THSD7B: variants seen among roughly 807,000 people sequenced by gnomAD.
THSD7B encodes thrombospondin type-1 domain-containing protein 7B.
THSD7B carries 138 observed loss-of-function variants against 213.6 expected under a neutral mutation model. The observed-to-expected ratio is 0.65, with a 90% CI of 0.56 to 0.74. The LOEUF is 0.74. Ranked by LOEUF, THSD7B falls within the 30% of genes least tolerant of loss-of-function variation. The pLI is 0.00. For synonymous variants in THSD7B, 742 were observed against 687.0 expected (o/e 1.08, Z -1.25); for missense variants, 1,931 against 1,991.5 (o/e 0.97, Z 0.58).
At chr2:136,963,051 C>T (rs1385666167) in intron 2 of THSD7B, among the ~76,000 whole-genome samples, 1 of 152,068 alleles carries the variant, frequency 6.6e-6, no homozygotes, top group Non-Finnish European at 1.5e-5. Context: ...TCAGAGATGG[C>T]TGAAATAGGT....
intron 1 of THSD7B, among the ~76,000 whole-genome samples, chr2:136,864,749 TC>T (rs762907614): frequency 2.1e-4 from 32 of 152,236 alleles, no homozygotes; most frequent in Non-Finnish European, 4.4e-4. Flanking sequence ...AGATGGGGTT[TC>T]CCCATGTTAG....
intron 15 of THSD7B, among the ~76,000 whole-genome samples, chr2:137,454,478 G>A (rs985789196): frequency 2.7e-5 from 4 of 149,164 alleles, no homozygotes; most frequent in Non-Finnish European, 6.0e-5. Flanking sequence ...ATCTATCTAT[G>A]TGTGTGTGTG....
intron 3 of THSD7B, among the ~76,000 whole-genome samples, chr2:137,087,228 A>G (rs1467151168): frequency 2.0e-5 from 3 of 152,206 alleles, no homozygotes; most frequent in African/African-American, 7.2e-5. Context: ...AAATACAGGT[A>G]TATACATCTT....
chr2:137,321,663 A>C (rs1473244341), intron 12 of THSD7B, among the ~76,000 whole-genome samples: 1 of 152,214 alleles, frequency 6.6e-6, no homozygotes, highest in Non-Finnish European at 1.5e-5. Flanking sequence ...GTTCTTCTGG[A>C]CTGAAATATA....
At chr2:137,304,585 C>T (rs1490017891) in intron 12 of THSD7B, among the ~76,000 whole-genome samples, 2 of 152,074 alleles carry the variant, frequency 1.3e-5, no homozygotes, top group Non-Finnish European at 2.9e-5. Flanking sequence ...TTACAAATTA[C>T]ACTTGACTTC....
chr2:136,771,304 G>A (rs1469151327), intron 1 of THSD7B, among the ~76,000 whole-genome samples: 2 of 152,206 alleles, frequency 1.3e-5, no homozygotes, highest in East Asian at 1.9e-4. Flanking sequence ...ATGACTTTGA[G>A]TAAAATTTTT....
intron 3 of THSD7B, among the ~76,000 whole-genome samples, chr2:137,082,150 G>T (rs746322046): frequency 1.4e-4 from 22 of 151,966 alleles, no homozygotes; most frequent in Admixed American, 2.0e-4. Context: ...AAATGATTTT[G>T]TCTGTGTTTC....
chr2:136,808,981 C>A (rs1682332413), intron 1 of THSD7B, among the ~76,000 whole-genome samples: 1 of 152,220 alleles, frequency 6.6e-6, no homozygotes. Context: ...CAGTTACTCA[C>A]TTGTTCATCA....
At chr2:136,851,230 T>C (rs1241658017) in intron 1 of THSD7B, among the ~76,000 whole-genome samples, 1 of 152,154 alleles carries the variant, frequency 6.6e-6, no homozygotes, top group Non-Finnish European at 1.5e-5. Context: ...CTCTTATTTC[T>C]ATAATTATCT....
intron 3 of THSD7B, among the ~76,000 whole-genome samples, chr2:137,059,758 G>A (rs908044159): frequency 2.0e-5 from 3 of 152,080 alleles, no homozygotes; most frequent in Admixed American, 6.6e-5. Flanking sequence ...TGGTACTATA[G>A]TTTGTTCATT....
intron 20 of THSD7B, among the ~76,000 whole-genome samples, chr2:137,638,668 G>A (rs150711921): frequency 1.2e-4 from 19 of 152,310 alleles, no homozygotes; most frequent in Non-Finnish European, 2.1e-4. Flanking sequence ...CTAGAGATTC[G>A]TTGAATGGCT....
chr2:137,010,324 C>A (rs996426203), intron 2 of THSD7B, among the ~76,000 whole-genome samples: 4 of 152,134 alleles, frequency 2.6e-5, no homozygotes, highest in African/African-American at 9.7e-5. Context: ...CATATCTAAG[C>A]AGTCTGTATA....
intron 15 of THSD7B, among the ~76,000 whole-genome samples, chr2:137,500,588 A>T (rs1213750236): frequency 6.6e-6 from 1 of 152,238 alleles, no homozygotes; most frequent in African/African-American, 2.4e-5. Context: ...TGCAACCCTG[A>T]CAGTCATTTA....
At chr2:137,593,796 G>A (rs934409917) in intron 17 of THSD7B, among the ~76,000 whole-genome samples, 1 of 151,606 alleles carries the variant, frequency 6.6e-6, no homozygotes, top group Non-Finnish European at 1.5e-5. Flanking sequence ...CAAATTTATC[G>A]TTTTATTTTA....
At chr2:137,352,341 C>A (rs910711100) in intron 12 of THSD7B, among the ~76,000 whole-genome samples, 1 of 151,878 alleles carries the variant, frequency 6.6e-6, no homozygotes, top group Non-Finnish European at 1.5e-5. Flanking sequence ...TGGAATGAAC[C>A]ATGATTGCCT....
intron 2 of THSD7B, among the ~76,000 whole-genome samples, chr2:137,002,229 T>C (rs545622725): frequency 6.6e-6 from 1 of 152,316 alleles, no homozygotes; most frequent in East Asian, 1.9e-4. Context: ...AAGGATCTTT[T>C]ACATCTAGAG....
At chr2:136,963,867 T>G (rs1267050960) in intron 2 of THSD7B, among the ~76,000 whole-genome samples, 1 of 152,220 alleles carries the variant, frequency 6.6e-6, no homozygotes, top group African/African-American at 2.4e-5. Flanking sequence ...ATTAGACGTG[T>G]TTGTTAATGT....
intron 21 of THSD7B, among the ~76,000 whole-genome samples, chr2:137,653,526 C>G (rs1473282987): frequency 6.6e-6 from 1 of 151,068 alleles, no homozygotes; most frequent in Non-Finnish European, 1.5e-5. Flanking sequence ...CGACGCTTTG[C>G]TCTTGCTCAA....
At chr2:137,059,439 T>A (rs1687229913) in intron 3 of THSD7B, among the ~76,000 whole-genome samples, 2 of 152,122 alleles carry the variant, frequency 1.3e-5, no homozygotes, top group South Asian at 4.1e-4. Context: ...TCTATTGGTT[T>A]GACAAATGAA....
Sources: gnomAD v4.1 joint callset for allele counts (sites outside exome capture counted in the v4.1 genomes callset) on GRCh38, gnomAD v4.1.1 for gene constraint, MANE v1.5 for transcripts, NCBI Gene and HGNC (gene_info 2026-07-23, HGNC 2026-07-21) for gene names.